ZBTB7C: variants seen among roughly 807,000 people sequenced by gnomAD.
The protein encoded by ZBTB7C is zinc finger and BTB domain containing 7C.
ZBTB7C carries 8 observed loss-of-function variants against 25.7 expected under a neutral mutation model. The observed-to-expected ratio is 0.31, with a 90% CI of 0.18 to 0.56. The LOEUF (loss-of-function observed/expected upper bound fraction) is 0.56. ZBTB7C is among the 20% of genes least tolerant of loss of function. ZBTB7C has a pLI of 0.91. For synonymous variants in ZBTB7C, 394 were observed against 369.0 expected (o/e 1.07, Z -0.78); for missense variants, 824 against 855.2 (o/e 0.96, Z 0.46).
chr18:48,347,618 G>A (rs1229633304), intron 1 of ZBTB7C, among the ~76,000 whole-genome samples: 1 of 152,126 alleles, frequency 6.6e-6, no homozygotes, highest in Non-Finnish European at 1.5e-5. Context: ...ATGCTATGGG[G>A]TGGGCAGCCT....
At chr18:48,224,253 G>T (rs1156365874) in intron 2 of ZBTB7C, among the ~76,000 whole-genome samples, 1 of 152,170 alleles carries the variant, frequency 6.6e-6, no homozygotes, top group Non-Finnish European at 1.5e-5. Context: ...CATAGGCTCA[G>T]CACCCTCAGC....
intron 3 of ZBTB7C, among the ~76,000 whole-genome samples, chr18:48,071,395 A>T (rs1044175503): frequency 7.2e-5 from 11 of 152,250 alleles, no homozygotes; most frequent in Non-Finnish European, 1.5e-4. Context: ...ACATGAACAG[A>T]TGCTCACCAT....
chr18:48,390,073 A>T (rs554293152), intron 1 of ZBTB7C, among the ~76,000 whole-genome samples: 1 of 152,326 alleles, frequency 6.6e-6, no homozygotes, highest in East Asian at 1.9e-4. Flanking sequence ...CCCTGAACGA[A>T]GGAGCATCTG....
chr18:48,355,137 T>G (rs868078849), intron 1 of ZBTB7C, among the ~76,000 whole-genome samples: 2 of 152,328 alleles, frequency 1.3e-5, no homozygotes, highest in Middle Eastern at 3.4e-3. Context: ...GGTTAGTTAC[T>G]TTCCTTCTTG....
At chr18:48,145,099 G>C (rs1391656396) in intron 3 of ZBTB7C, among the ~76,000 whole-genome samples, 1 of 152,098 alleles carries the variant, frequency 6.6e-6, no homozygotes, top group Non-Finnish European at 1.5e-5. Context: ...CTTTGTTGGG[G>C]AGAAGTCATT....
rs76170267 is a variant in ZBTB7C, at chr18:48,302,632, T to G, written c.-79+35542A>C. On this transcript the variant is annotated intron_variant, in intron 2 of 4. Coordinates refer to ENST00000590800, the MANE Select transcript of ZBTB7C (RefSeq NM_001318841.2). ...AGGCCGGATCGACGTCCACGCTCTATGTGGTGCACCAGCACAGATTGGCTG... is the reference window on the plus strand; with the variant it reads ...AGGCCGGATCGACGTCCACGCTCTAGGTGGTGCACCAGCACAGATTGGCTG... 6.6e-5 allele frequency among the ~76,000 whole-genome samples: 10 copies of G among 152,318 alleles called. 1 individual carries two copies. In the South Asian group the frequency reaches 2.1e-3, roughly 32 times the overall value.
chr18:48,200,295 C>T (rs1469848687), intron 2 of ZBTB7C, among the ~76,000 whole-genome samples: 3 of 152,076 alleles, frequency 2.0e-5, no homozygotes, highest in Admixed American at 1.3e-4. Context: ...TGTCAGAAAA[C>T]CCAACCGAGA....
chr18:48,327,934 C>T (rs138466449), intron 2 of ZBTB7C, among the ~76,000 whole-genome samples: 3 of 152,014 alleles, frequency 2.0e-5, no homozygotes, highest in African/African-American at 4.8e-5. Context: ...TGAGGCCGGG[C>T]GTAGTGACTC....
At chr18:48,199,263 A>C (rs2042382912) in intron 2 of ZBTB7C, among the ~76,000 whole-genome samples, 1 of 152,054 alleles carries the variant, frequency 6.6e-6, no homozygotes, top group South Asian at 2.1e-4. Flanking sequence ...AACTTCTCTG[A>C]TACTTTCCTC....
At position 48,242,506 on chromosome 18, in the gene ZBTB7C, C is replaced by T. The variant is rs12604503; in HGVS notation, c.-78-56511G>A. ...TATCAAAAAGATAATATACCATGATCGAGTGGGTTTCATACCTGGGATGCA... is the reference window on the plus strand; with the variant it reads ...TATCAAAAAGATAATATACCATGATTGAGTGGGTTTCATACCTGGGATGCA... On this transcript the variant is annotated intron_variant, in intron 2 of 4. Transcript: ENST00000590800. Among the ~76,000 whole-genome samples, 7,209 of 152,212 alleles carry T rather than the reference C, an allele frequency of 0.047. 834 individuals are homozygous for T. The East Asian group carries it at 0.48, about 10-fold the overall frequency.
At chr18:48,212,811 TGAA>T (rs1193142270) in intron 2 of ZBTB7C, among the ~76,000 whole-genome samples, 1 of 152,024 alleles carries the variant, frequency 6.6e-6, no homozygotes, top group East Asian at 1.9e-4. Context: ...GGCTGGGTCT[TGAA>T]GAAGGAGTAG....
chr18:48,180,925 G>A (rs2041902089), intron 3 of ZBTB7C, among the ~76,000 whole-genome samples: 1 of 152,210 alleles, frequency 6.6e-6, no homozygotes, highest in Non-Finnish European at 1.5e-5. Context: ...TTTCTAACCA[G>A]ACTGCTTGGC....
At chr18:48,280,334 G>C (rs561994203) in intron 2 of ZBTB7C, among the ~76,000 whole-genome samples, 29 of 151,950 alleles carry the variant, frequency 1.9e-4, no homozygotes, top group African/African-American at 7.0e-4. Context: ...CTTATGTCAG[G>C]GCCACTGCAT....
rs192077455 is a variant in ZBTB7C, at chr18:48,403,011, C to T, written c.-304+6215G>A. ...ACCACCAATGAATTCCCTGCTCCTG[C>T]AGGGCTGAGTGTGCCCCTGGCCCCA... On this transcript the variant is annotated intron_variant, in intron 1 of 4. Coordinates refer to ENST00000590800, the MANE Select transcript of ZBTB7C (RefSeq NM_001318841.2). Among the ~76,000 whole-genome samples, 55 of 152,314 alleles carry T rather than the reference C, an allele frequency of 3.6e-4. 1 individual carries two copies. The East Asian group carries it at 0.01, about 29-fold the overall frequency.
chr18:48,287,307 T>G (rs2045086096), intron 2 of ZBTB7C, among the ~76,000 whole-genome samples: 1 of 152,216 alleles, frequency 6.6e-6, no homozygotes, highest in Non-Finnish European at 1.5e-5. Context: ...TGCCAATTTG[T>G]TAGAAAACTT....
At chr18:48,356,152 G>T (rs2046972902) in intron 1 of ZBTB7C, among the ~76,000 whole-genome samples, 1 of 152,094 alleles carries the variant, frequency 6.6e-6, no homozygotes, top group South Asian at 2.1e-4. Context: ...ATCCTTTCTG[G>T]GTTTATTCAA....
At position 48,039,905 on chromosome 18, in the gene ZBTB7C, G is replaced by A. The variant is rs45501996; in HGVS notation, c.1203C>T (p.Phe401=). The change falls in exon 4 of 5, where the codon TTC becomes TTT. Residue 401 remains phenylalanine (F), a synonymous_variant. Coordinates refer to ENST00000590800, the MANE Select transcript of ZBTB7C (RefSeq NM_001318841.2). ...PYMCTICEVR[F]TRQDKLKIHM... is the part of the protein sequence containing the mutation. Reference sequence around the variant, plus strand: ...CCGAGGGCTGCCATGCGCACCTGGTGAAGCGGACCTCGCAGATGGTGCACA... The same window carrying A: ...CCGAGGGCTGCCATGCGCACCTGGTAAAGCGGACCTCGCAGATGGTGCACA... 0.17 allele frequency: 278,113 copies of A among 1,611,540 alleles called. 24,872 individuals are homozygous for A. The highest frequency in any genetic ancestry group is 0.25 in the African/African-American group (18,949 of 74,986).
At chr18:48,082,282 C>G (rs995269067) in intron 3 of ZBTB7C, among the ~76,000 whole-genome samples, 10 of 152,218 alleles carry the variant, frequency 6.6e-5, no homozygotes, top group African/African-American at 2.4e-4. Flanking sequence ...AGCATGAGAT[C>G]TGAGCCATCA....
chr18:48,381,873 C>T (rs1292517862), intron 1 of ZBTB7C, among the ~76,000 whole-genome samples: 1 of 152,174 alleles, frequency 6.6e-6, no homozygotes, highest in South Asian at 2.1e-4. Flanking sequence ...CACACAATGG[C>T]TTTTAAGCTT....
Sources: allele counts gnomAD v4.1 joint callset (sites outside exome capture counted in the v4.1 genomes callset), GRCh38; gene constraint gnomAD v4.1.1; transcripts MANE v1.5; gene names NCBI Gene and HGNC (gene_info 2026-07-23, HGNC 2026-07-21).